The following NTS variants were observed in gnomAD, a reference collection of about 807,000 sequenced individuals.
NTS encodes neurotensin/neuromedin N.
A neutral mutation model predicts 19.5 loss-of-function variants in NTS; 20 were observed. The ratio of observed to expected loss-of-function variants is 1.02; its 90% CI spans 0.72 to 1.49. The LOEUF is 1.49. NTS is among the 40% of genes most tolerant of loss of function. NTS has a pLI of 0.00. For synonymous variants in NTS, 71 were observed against 63.3 expected, an observed-to-expected ratio of 1.12 and a Z score of -0.58; for missense variants, 215 against 193.1, an observed-to-expected ratio of 1.11 and a Z score of -0.67.
intron 3 of NTS, among the ~76,000 whole-genome samples, chr12:85,881,856 T>C (rs2136595040): frequency 6.6e-6 from 1 of 152,236 alleles, no homozygotes; most frequent in South Asian, 2.1e-4. Flanking sequence ...TTTTGGTGTT[T>C]CCATCATAAA....
At chr12:85,881,981 C>G (rs1024462259) in intron 3 of NTS, among the ~76,000 whole-genome samples, 1 of 151,864 alleles carries the variant, frequency 6.6e-6, no homozygotes, top group Non-Finnish European at 1.5e-5. Context: ...TTTAAAAGAG[C>G]TAGCCTGGTG....
intron 3 of NTS, 42 bp downstream of exon 3, chr12:85,878,611 A>G (rs745364745): frequency 1.8e-6 from 2 of 1,128,772 alleles, no homozygotes; most frequent in South Asian, 3.5e-5. Context: ...TAGTTACACT[A>G]GTTAGCTCTC....
At chr12:85,877,433 C>T (rs1206019754) in intron 2 of NTS, among the ~76,000 whole-genome samples, 5 of 144,006 alleles carry the variant, frequency 3.5e-5, no homozygotes, top group Non-Finnish European at 7.5e-5. Flanking sequence ...GAGCCAAATA[C>T]AACTTTGTAT....
chr12:85,876,164 G>A (rs1223139247), intron 1 of NTS, among the ~76,000 whole-genome samples: 1 of 151,810 alleles, frequency 6.6e-6, no homozygotes, highest in Admixed American at 6.6e-5. Flanking sequence ...GTAAACCTCA[G>A]TATCTTTATT....
intron 3 of NTS, among the ~76,000 whole-genome samples, chr12:85,879,768 T>A (rs1192025851): frequency 1.4e-5 from 2 of 139,664 alleles, no homozygotes; most frequent in Non-Finnish European, 3.1e-5. Context: ...TATTTTTGTA[T>A]ATAAAATATA....
chr12:85,878,441 G>GT lies in NTS; in HGVS notation c.234dup (p.His79SerfsTer2), dbSNP rs751405227. The GT allele has an allele frequency of 1.1e-5, 17 of 1,613,658 alleles. No individual in the cohort carries two copies. Among genetic ancestry groups the GT allele is most frequent in the Non-Finnish European group, 1.4e-5 (17 of 1,179,844 alleles). On this transcript the variant is annotated frameshift_variant, in exon 3 of 4. Coordinates refer to ENST00000256010, the MANE Select transcript of NTS (RefSeq NM_006183.5). LOFTEE classifies it high-confidence loss of function. ...CAGCCCAGCTGAGGAAACAGGAGAA[G>GT]TTCATGAAGAGGAGCTTGTTGCAAG...
chr12:85,881,816 A>G (rs1881509088), intron 3 of NTS, among the ~76,000 whole-genome samples: 1 of 152,108 alleles, frequency 6.6e-6, no homozygotes, highest in Non-Finnish European at 1.5e-5. Flanking sequence ...CAAAAACTAT[A>G]TTTATTGTAA....
At chr12:85,879,045 C>T (rs12304244) in intron 3 of NTS, among the ~76,000 whole-genome samples, 41,476 of 126,414 alleles carry the variant, frequency 0.33, 8,555 homozygotes, top group African/African-American at 0.45. Context: ...TTTTTATGTA[C>T]ATAAAATATA....
In NTS at chr12:85,882,976, A is replaced by G. The variant is rs1881537419; in HGVS notation, c.*601A>G. On this transcript the variant is annotated 3_prime_UTR_variant, in exon 4 of 4. Transcript: ENST00000256010. ...GAACTTGATAGCTAATAAAAAGACA[A>G]CTAGCCATCAAAATCATATGTTTCT... The G allele has an allele frequency of 6.6e-6, 1 of 152,056 alleles. No homozygotes were observed. The highest frequency in any genetic ancestry group is 6.6e-5 in the Admixed American group (1 of 15,264). The allele number at this position is 152,056 out of a possible 1,614,324, so 9.4% of individuals were successfully genotyped here. A position where few individuals can be genotyped will look rare whatever the true frequency, so the allele number is the denominator to read the frequency against.
chr12:85,882,105 T>C (rs1881515366), intron 3 of NTS, 118 bp from the exon 4 acceptor site: 1 of 750,236 alleles, frequency 1.3e-6, no homozygotes, highest in Non-Finnish European at 2.2e-6. Flanking sequence ...ATGTATCTCG[T>C]ATCTCACCTA....
chr12:85,880,102 T>A (rs1881468756), intron 3 of NTS, among the ~76,000 whole-genome samples: 1 of 151,058 alleles, frequency 6.6e-6, no homozygotes, highest in Admixed American at 6.6e-5. Flanking sequence ...TATAAAGGTA[T>A]ATATAGTAAG....
intron 3 of NTS, among the ~76,000 whole-genome samples, chr12:85,879,219 A>T (rs5020968): frequency 0.91 from 2,447 of 2,684 alleles, 1,161 homozygotes; most frequent in Middle Eastern, 1. Flanking sequence ...AAAATATATT[A>T]TATATATATT....
intron 3 of NTS, 38 bp downstream of exon 3, chr12:85,878,607 C>T (rs778605141): frequency 5.1e-6 from 6 of 1,185,332 alleles, no homozygotes; most frequent in South Asian, 3.1e-5. Context: ...ATTATAGTTA[C>T]ACTAGTTAGC....
intron 1 of NTS, among the ~76,000 whole-genome samples, chr12:85,876,270 C>A: frequency 6.6e-6 from 1 of 151,800 alleles, no homozygotes; most frequent in East Asian, 1.9e-4. Context: ...TGTTAATATG[C>A]ATATTTTCTA....
chr12:85,879,827 G>A (rs1381036284), intron 3 of NTS, among the ~76,000 whole-genome samples: 4 of 135,082 alleles, frequency 3.0e-5, no homozygotes, highest in African/African-American at 8.4e-5. Flanking sequence ...TATATTTTAT[G>A]TATATAAAAT....
chr12:85,879,998 T>C (rs1452928324), intron 3 of NTS, among the ~76,000 whole-genome samples: 1 of 149,718 alleles, frequency 6.7e-6, no homozygotes, highest in Non-Finnish European at 1.5e-5. Flanking sequence ...CGTAATTACT[T>C]TCGCACCAAC....
intron 1 of NTS, 44 bp downstream of exon 1, chr12:85,874,520 T>C (rs1279451418): frequency 6.4e-6 from 9 of 1,400,842 alleles, no homozygotes; most frequent in Non-Finnish European, 1.0e-6. Context: ...TGATTTCTTT[T>C]TTCTCTTTTG....
chr12:85,882,098 T>G (rs1391450997), intron 3 of NTS, 125 bp from the exon 4 acceptor site: 1 of 696,644 alleles, frequency 1.4e-6, no homozygotes, highest in Admixed American at 3.3e-5. Context: ...GAACTTCATG[T>G]ATCTCGTATC....
chr12:85,882,388 T>C lies in NTS; in HGVS notation c.*13T>C, dbSNP rs778063762. ...TTACTATTACTGAGAGAATAAATCA[T>C]TTATTTACATGTGATTGTGATTCAT... On this transcript the variant is annotated 3_prime_UTR_variant, in exon 4 of 4. Transcript: ENST00000256010. 3.3e-6 allele frequency: 5 copies of C among 1,518,594 alleles called. No homozygotes were observed. Among genetic ancestry groups the C allele is most frequent in the Middle Eastern group, 1.8e-4 (1 of 5,708 alleles). 94.1% of individuals were successfully genotyped at this position (1,518,594 alleles called of 1,614,324 possible). A position where few individuals can be genotyped will look rare whatever the true frequency, so the allele number is the denominator to read the frequency against.
Sources: allele counts gnomAD v4.1 joint callset (sites outside exome capture counted in the v4.1 genomes callset), GRCh38; gene constraint gnomAD v4.1.1; transcripts MANE v1.5; gene names NCBI Gene and HGNC (gene_info 2026-07-23, HGNC 2026-07-21).